NTM: variants seen among roughly 807,000 people sequenced by gnomAD.
NTM encodes the protein neurotrimin, also known as IgLON family member 2.
In NTM, 13 loss-of-function variants were observed where a neutral mutation model predicts 42.1. The ratio of observed to expected loss-of-function variants is 0.31; its 90% CI spans 0.20 to 0.49. NTM has a LOEUF of 0.49. Ranked by LOEUF, NTM falls within the 20% of genes least tolerant of loss-of-function variation. NTM has a pLI of 0.99. For synonymous variants in NTM, 187 were observed against 179.2 expected (o/e 1.04, Z -0.35); for missense variants, 373 against 452.8 (o/e 0.82, Z 1.60).
intron 3 of NTM, among the ~76,000 whole-genome samples, chr11:132,201,918 A>G (rs1488295169): frequency 2.6e-5 from 4 of 152,206 alleles, no homozygotes; most frequent in Non-Finnish European, 5.9e-5. Flanking sequence ...AGATTCCTGG[A>G]TGAAAAGGGA....
intron 3 of NTM, among the ~76,000 whole-genome samples, chr11:132,193,562 G>A (rs545797656): frequency 2.0e-5 from 3 of 152,070 alleles, no homozygotes; most frequent in African/African-American, 7.2e-5. Flanking sequence ...CAAGAAATTA[G>A]AAAGATCTCA....
chr11:131,617,854 G>A (rs1292221860), intron 1 of NTM, among the ~76,000 whole-genome samples: 1 of 152,174 alleles, frequency 6.6e-6, no homozygotes, highest in African/African-American at 2.4e-5. Flanking sequence ...TGATAGGGGT[G>A]AATCTAGACC....
At chr11:132,217,358 CTG>C (rs375759515) in intron 4 of NTM, among the ~76,000 whole-genome samples, 7,283 of 142,492 alleles carry the variant, frequency 0.051, 165 homozygotes, top group East Asian at 0.06. Flanking sequence ...CTCTCTCTTT[CTG>C]TGTGTGTGTG....
intron 4 of NTM, among the ~76,000 whole-genome samples, chr11:132,285,417 C>G (rs539483079): frequency 6.6e-6 from 1 of 152,230 alleles, no homozygotes; most frequent in African/African-American, 2.4e-5. Flanking sequence ...ATGAAATGCT[C>G]CCAGCTCTGA....
chr11:131,540,945 C>T (rs148775378), intron 1 of NTM: 1 of 152,314 alleles, frequency 6.6e-6, no homozygotes, highest in African/African-American at 2.4e-5. Context: ...ACTGCCAGCC[C>T]CCTTGAGTCA....
At chr11:131,405,357 T>C (rs1159771494) in intron 1 of NTM, among the ~76,000 whole-genome samples, 1 of 152,204 alleles carries the variant, frequency 6.6e-6, no homozygotes, top group Admixed American at 6.5e-5. Context: ...AACTATCTTC[T>C]GCCCCAGTGA....
chr11:132,146,606 G>T lies in NTM; in HGVS notation c.400+92G>T. On this transcript the variant is annotated intron_variant, in intron 3 of 8. Coordinates refer to ENST00000683400, the MANE Select transcript of NTM (RefSeq NM_001352005.2). The surrounding 1 kb of genome is among the most constrained non-coding windows in gnomAD (Gnocchi z 4.5). The stretch of plus-strand genomic sequence containing the variant: ...GTTCTCTGATCCTCAACAGAGATGA[G>T]TTATCCTTATTCTACGCATCTGGGG... The T allele has an allele frequency of 2.2e-6, 3 of 1,355,860 alleles. No homozygotes were observed. The highest frequency in any genetic ancestry group is 2.0e-6 in the Non-Finnish European group (2 of 988,392). The allele number at this position is 1,355,860 out of a possible 1,614,324, so 84.0% of individuals were successfully genotyped here. A position where few individuals can be genotyped will look rare whatever the true frequency, so the allele number is the denominator to read the frequency against.
chr11:131,413,719 C>T (rs1048407958), intron 1 of NTM, among the ~76,000 whole-genome samples: 2 of 152,172 alleles, frequency 1.3e-5, no homozygotes, highest in Non-Finnish European at 2.9e-5. Context: ...GCTGTGTTGT[C>T]TTTGAAGGTG....
intron 2 of NTM, among the ~76,000 whole-genome samples, chr11:132,038,807 T>A (rs1018559399): frequency 1.3e-5 from 2 of 152,196 alleles, no homozygotes; most frequent in Admixed American, 1.3e-4. Context: ...GTCTCGCCTG[T>A]CTGCCTTCCT....
intron 1 of NTM, chr11:131,661,113 G>A (rs180776617): frequency 7.0e-6 from 8 of 1,143,108 alleles, no homozygotes; most frequent in East Asian, 5.8e-5. Flanking sequence ...CCCTAGATTC[G>A]GTGGAGATTC....
At chr11:131,858,179 C>T (rs926860841) in intron 1 of NTM, among the ~76,000 whole-genome samples, 3 of 152,110 alleles carry the variant, frequency 2.0e-5, no homozygotes, top group African/African-American at 7.2e-5. Flanking sequence ...CCTTCCTACA[C>T]ACTCTCTTTT....
chr11:131,910,461 C>T (rs1469917559), intron 1 of NTM, among the ~76,000 whole-genome samples: 1 of 114,680 alleles, frequency 8.7e-6, no homozygotes, highest in Non-Finnish European at 2.1e-5. Context: ...AAGGTGGGCG[C>T]CCGCGCCCCG....
chr11:132,272,804 C>A (rs1202754807), intron 4 of NTM, among the ~76,000 whole-genome samples: 2 of 151,798 alleles, frequency 1.3e-5, no homozygotes, highest in Non-Finnish European at 2.9e-5. Context: ...ATATAAGATC[C>A]TGTCATTTGT....
intron 1 of NTM, among the ~76,000 whole-genome samples, chr11:131,732,622 T>C (rs953008502): frequency 5.3e-5 from 8 of 152,230 alleles, no homozygotes; most frequent in Admixed American, 3.9e-4. Flanking sequence ...AAAGTCTCAT[T>C]ATCTCAAGCC....
intron 2 of NTM, among the ~76,000 whole-genome samples, chr11:132,058,807 T>C (rs1030532229): frequency 2.7e-4 from 41 of 152,308 alleles, no homozygotes; most frequent in African/African-American, 9.9e-4. Context: ...ATCCTCTTGT[T>C]TGAACCTTGT....
At chr11:131,678,330 C>T (rs2658832) in intron 1 of NTM, among the ~76,000 whole-genome samples, 107,210 of 152,232 alleles carry the variant, frequency 0.7, 38,276 homozygotes, top group Admixed American at 0.76. Context: ...GTAGGTGGCT[C>T]AGCCCTCTGG....
At chr11:132,153,515 T>A in intron 3 of NTM, among the ~76,000 whole-genome samples, 1 of 152,178 alleles carries the variant, frequency 6.6e-6, no homozygotes, top group East Asian at 1.9e-4. Flanking sequence ...AGGTCACCCA[T>A]ACAGAGTGTG....
At chr11:131,865,892 A>ACACTC (rs1565646900) in intron 1 of NTM, among the ~76,000 whole-genome samples, 1 of 125,028 alleles carries the variant, frequency 8.0e-6, no homozygotes, top group African/African-American at 3.1e-5. Context: ...CACCTCCCAC[A>ACACTC]TTCACACATG....
Position 131,661,113 on chromosome 11 carries a change from G to T in NTM, c.83-250451G>T, listed in dbSNP as rs180776617. The T allele has an allele frequency of 3.9e-3, 4,512 of 1,143,064 alleles. 16 individuals are homozygous for T. The highest frequency in any genetic ancestry group is 4.2e-3 in the Non-Finnish European group (3,514 of 845,682). 70.8% of individuals were successfully genotyped at this position (1,143,064 alleles called of 1,614,324 possible). A position where few individuals can be genotyped will look rare whatever the true frequency, so the allele number is the denominator to read the frequency against. ...GTGGGGGGGTCTTCCCCCTAGATTC[G>T]GTGGAGATTCCTTTCCTCAGGACGG... On this transcript the variant is annotated intron_variant, in intron 1 of 8. Coordinates refer to ENST00000683400, the MANE Select transcript of NTM (RefSeq NM_001352005.2).
Sources: allele counts gnomAD v4.1 joint callset (sites outside exome capture counted in the v4.1 genomes callset), GRCh38; gene constraint gnomAD v4.1.1; non-coding constraint Gnocchi (gnomAD v3.1); transcripts MANE v1.5; gene names NCBI Gene and HGNC (gene_info 2026-07-23, HGNC 2026-07-21).